EPM2A: variants seen among roughly 807,000 people sequenced by gnomAD.
EPM2A encodes laforin.
Under a neutral mutation model 26.5 loss-of-function variants are expected in EPM2A, and 21 were observed. The ratio of observed to expected loss-of-function variants is 0.79; its 90% CI spans 0.56 to 1.14. The LOEUF is 1.14. Ranked by LOEUF, EPM2A falls within the 50% of genes most tolerant of loss-of-function variation. The probability of loss-of-function intolerance (pLI) is 0.00; values close to 1 mark genes in which losing one functional copy is unlikely to be tolerated. For synonymous variants in EPM2A, 217 were observed against 177.6 expected (o/e 1.22, Z -1.76); for missense variants, 458 against 440.8 (o/e 1.04, Z -0.35).
intron 2 of EPM2A, among the ~76,000 whole-genome samples, chr6:145,524,665 TG>T (rs1330072113): frequency 3.9e-5 from 6 of 152,138 alleles, no homozygotes; most frequent in Non-Finnish European, 5.9e-5. Context: ...ATTCTCGAAA[TG>T]AGATCTTTTT....
At chr6:145,735,742 G>A (rs962389535), upstream of EPM2A, 3 of 712,930 alleles carry the variant, frequency 4.2e-6, no homozygotes, top group Non-Finnish European at 1.8e-6. Context: ...GCAACCCCGC[G>A]GGCGGTTGAT....
intron 2 of EPM2A, among the ~76,000 whole-genome samples, chr6:145,673,416 G>A (rs1437740563): frequency 6.6e-6 from 1 of 152,164 alleles, no homozygotes; most frequent in African/African-American, 2.4e-5. Flanking sequence ...CATCTCACTG[G>A]GACTGGTTGG....
At chr6:145,735,730 C>T (rs1003974506), upstream of EPM2A, 3 of 790,224 alleles carry the variant, frequency 3.8e-6, no homozygotes, top group African/African-American at 3.7e-5. Flanking sequence ...TCTTTGTGCC[C>T]CGCAACCCCG....
At chr6:145,720,316 C>A (rs1359504260) in intron 1 of EPM2A, among the ~76,000 whole-genome samples, 1 of 152,038 alleles carries the variant, frequency 6.6e-6, no homozygotes, top group Non-Finnish European at 1.5e-5. Flanking sequence ...AAACACAAAC[C>A]AATGACAAAA....
intron 1 of EPM2A, among the ~76,000 whole-genome samples, chr6:145,703,110 C>CTTTTTTTCTCTTTTTTTTCCATCT (rs11446874): frequency 7.0e-6 from 1 of 142,244 alleles, no homozygotes; most frequent in African/African-American, 2.6e-5. Flanking sequence ...TTTTTTTTTT[C>CTTTTTTTCTCTTTTTTTTCCATCT]GAGACGGAGT....
intron 4 of EPM2A, among the ~76,000 whole-genome samples, chr6:145,389,414 A>T (rs1296017641): frequency 6.6e-6 from 1 of 152,004 alleles, no homozygotes; most frequent in Admixed American, 6.6e-5. Context: ...CTGGTCTTGA[A>T]TTCCTGACAT....
At chr6:145,616,084 G>A (rs1488319914) in intron 2 of EPM2A, among the ~76,000 whole-genome samples, 1 of 152,214 alleles carries the variant, frequency 6.6e-6, no homozygotes, top group Non-Finnish European at 1.5e-5. Context: ...TGTCTTCAGG[G>A]CATGTCAGGT....
intron 2 of EPM2A, among the ~76,000 whole-genome samples, chr6:145,570,967 G>A (rs140956307): frequency 1.2e-3 from 186 of 152,272 alleles, no homozygotes; most frequent in African/African-American, 4.0e-3. Flanking sequence ...AAGTGTCCAG[G>A]TGGCAATCAT....
intron 4 of EPM2A, among the ~76,000 whole-genome samples, chr6:145,392,087 G>T (rs1268818130): frequency 6.6e-6 from 1 of 152,122 alleles, no homozygotes; most frequent in Non-Finnish European, 1.5e-5. Context: ...ACATTCTTTT[G>T]AATATTTGAG....
chr6:145,642,203 A>G (rs1777136240), intron 2 of EPM2A, among the ~76,000 whole-genome samples: 1 of 152,210 alleles, frequency 6.6e-6, no homozygotes, highest in Non-Finnish European at 1.5e-5. Flanking sequence ...TTTAAACAAA[A>G]TGTGCCTTGA....
chr6:145,531,283 T>G (rs1481330497), intron 2 of EPM2A, among the ~76,000 whole-genome samples: 1 of 152,142 alleles, frequency 6.6e-6, no homozygotes, highest in Non-Finnish European at 1.5e-5. Flanking sequence ...TCATTTAATG[T>G]GTGCAGAATA....
intron 2 of EPM2A, among the ~76,000 whole-genome samples, chr6:145,557,586 TTTTA>T (rs1247128116): frequency 6.6e-6 from 1 of 152,116 alleles, no homozygotes; most frequent in Non-Finnish European, 1.5e-5. Context: ...AAATGTGAAT[TTTTA>T]TTTATCATTT....
At chr6:145,575,200 T>C (rs1198502322) in intron 2 of EPM2A, among the ~76,000 whole-genome samples, 2 of 152,132 alleles carry the variant, frequency 1.3e-5, no homozygotes, top group Non-Finnish European at 2.9e-5. Context: ...GGGGAGGGGA[T>C]GTTGCCACTA....
At chr6:145,617,144 T>C (rs995467889) in intron 2 of EPM2A, among the ~76,000 whole-genome samples, 1 of 152,216 alleles carries the variant, frequency 6.6e-6, no homozygotes, top group African/African-American at 2.4e-5. Context: ...AGGAGGTAAC[T>C]GAATCATGGG....
At chr6:145,521,772 G>A (rs1780205055) in intron 2 of EPM2A, among the ~76,000 whole-genome samples, 1 of 152,136 alleles carries the variant, frequency 6.6e-6, no homozygotes, top group South Asian at 2.1e-4. Context: ...AGTAGTGGTT[G>A]GAGATTAGGA....
At position 145,513,409 on chromosome 6, in the gene EPM2A, C is replaced by T. The variant is rs534907661; in HGVS notation, c.341-10834G>A. Among the ~76,000 whole-genome samples the T allele has an allele frequency of 2.6e-5, 4 of 152,174 alleles. No homozygotes were observed. The South Asian group carries it at 8.3e-4, about 32-fold the overall frequency. Reference sequence around the variant, plus strand: ...ATTAAAAAGCCAAAAAAAATATTGGCATGAATGCAGAGAAAAGGGAATGCT... The same window carrying T: ...ATTAAAAAGCCAAAAAAAATATTGGTATGAATGCAGAGAAAAGGGAATGCT... On this transcript the variant is annotated intron_variant, in intron 2 of 3. Transcript: ENST00000450221.
intron 2 of EPM2A, among the ~76,000 whole-genome samples, chr6:145,551,625 A>G (rs1355911421): frequency 2.0e-5 from 3 of 152,042 alleles, no homozygotes; most frequent in African/African-American, 7.2e-5. Flanking sequence ...TAAGAATTAC[A>G]TTTAAAATGT....
chr6:145,508,060 C>T (rs2114759367), intron 2 of EPM2A, among the ~76,000 whole-genome samples: 1 of 152,296 alleles, frequency 6.6e-6, no homozygotes, highest in East Asian at 1.9e-4. Context: ...CCCCTTGAGT[C>T]AAAGAAAACT....
At chr6:145,554,906 C>T (rs1303465310) in intron 2 of EPM2A, among the ~76,000 whole-genome samples, 1 of 152,078 alleles carries the variant, frequency 6.6e-6, no homozygotes, top group African/African-American at 2.4e-5. Flanking sequence ...AAGGCAGTCT[C>T]AAGGCAGAAT....
Sources: gnomAD v4.1 joint callset for allele counts (sites outside exome capture counted in the v4.1 genomes callset) on GRCh38, gnomAD v4.1.1 for gene constraint, MANE v1.5 for transcripts, NCBI Gene and HGNC (gene_info 2026-07-23, HGNC 2026-07-21) for gene names.